Variants in PDE10A observed in about 807,000 individuals in gnomAD.
PDE10A encodes the protein phosphodiesterase 10A.
PDE10A carries 39 observed loss-of-function variants against 97.7 expected under a neutral mutation model. That is an observed-to-expected ratio of 0.40 (90% CI 0.31 to 0.52). PDE10A has a LOEUF of 0.52. Ranked by LOEUF, PDE10A falls within the 20% of genes least tolerant of loss-of-function variation. PDE10A has a pLI of 0.56. For missense variants in PDE10A, 731 were observed against 1,047.8 expected, an observed-to-expected ratio of 0.70 and a Z score of 4.17; for synonymous variants, 371 against 376.8, an observed-to-expected ratio of 0.98 and a Z score of 0.18.
At chr6:165,942,576 C>A (rs546572344) in intron 1 of PDE10A, among the ~76,000 whole-genome samples, 1 of 152,114 alleles carries the variant, frequency 6.6e-6, no homozygotes, top group African/African-American at 2.4e-5. Flanking sequence ...GCTCTGCCCC[C>A]GCTCTGCCCC....
At position 165,614,450 on chromosome 6, in the gene PDE10A, C is replaced by T. The variant is rs558717233; in HGVS notation, c.865+47497G>A. Among the ~76,000 whole-genome samples the T allele has an allele frequency of 2.6e-5, 4 of 152,282 alleles. No homozygotes were observed. The East Asian group carries it at 5.8e-4, about 22-fold the overall frequency. On this transcript the variant is annotated intron_variant, in intron 1 of 21. Coordinates refer to ENST00000539869, the MANE Select transcript of PDE10A (RefSeq NM_001385079.1). ...TGTCCAGCTCCAGCAACACATCATG[C>T]GTGCTTCTCACGTCTGTCCTCACAC...
At chr6:165,715,387 G>A (rs1210768917) in intron 1 of PDE10A, among the ~76,000 whole-genome samples, 1 of 152,240 alleles carries the variant, frequency 6.6e-6, no homozygotes, top group Non-Finnish European at 1.5e-5. Context: ...AGTGGTGTGT[G>A]CGTCAGCTGA....
chr6:165,595,408 G>A (rs150986146), intron 1 of PDE10A, among the ~76,000 whole-genome samples: 1 of 152,228 alleles, frequency 6.6e-6, no homozygotes. Flanking sequence ...AGACAGGCCT[G>A]TAGAACAATC....
intron 2 of PDE10A, among the ~76,000 whole-genome samples, chr6:165,489,347 A>T (rs1780095387): frequency 6.6e-6 from 1 of 152,142 alleles, no homozygotes; most frequent in Non-Finnish European, 1.5e-5. Context: ...GAAGATAAAT[A>T]ATAATTGTTG....
chr6:165,724,552 C>T lies in PDE10A; in HGVS notation c.-614-180984G>A, dbSNP rs533751230. 4.1e-4 allele frequency among the ~76,000 whole-genome samples: 62 copies of T among 152,144 alleles called. 1 individual carries two copies. Among genetic ancestry groups the T allele is most frequent in the Non-Finnish European group, 3.4e-4 (23 of 68,030 alleles). On this transcript the variant is annotated intron_variant, in intron 1 of 19. Coordinates refer to the PDE10A transcript ENST00000366882. ...TCCCTTTTGATATCCTCGTGGGCTT[C>T]GTCCTGTCACTTAGACTTTGAATAT...
intron 1 of PDE10A, among the ~76,000 whole-genome samples, chr6:165,852,681 G>A (rs1455180289): frequency 6.6e-6 from 1 of 152,216 alleles, no homozygotes; most frequent in Admixed American, 6.5e-5. Flanking sequence ...GAGGGATGGT[G>A]AGACGGCCTT....
At chr6:165,688,079 T>C (rs1791171123) in intron 1 of PDE10A, among the ~76,000 whole-genome samples, 1 of 152,176 alleles carries the variant, frequency 6.6e-6, no homozygotes, top group South Asian at 2.1e-4. Context: ...ACCTGAGACA[T>C]GGAAAACATG....
At chr6:165,883,254 A>G (rs2128480781) in intron 1 of PDE10A, among the ~76,000 whole-genome samples, 2 of 151,314 alleles carry the variant, frequency 1.3e-5, no homozygotes, top group Middle Eastern at 7.0e-3. Flanking sequence ...AAAGAAGAAG[A>G]AGGATTTGCC....
intron 18 of PDE10A, 80 bp downstream of exon 18, chr6:165,379,114 C>T (rs575190343): frequency 4.0e-5 from 37 of 932,184 alleles, no homozygotes; most frequent in Admixed American, 9.8e-5. Flanking sequence ...TATAAGCTTA[C>T]GCCACATTAC....
At chr6:165,875,707 T>C (rs1209650239) in intron 1 of PDE10A, among the ~76,000 whole-genome samples, 1 of 149,960 alleles carries the variant, frequency 6.7e-6, no homozygotes, top group Non-Finnish European at 1.5e-5. Context: ...TTTGGGTTTC[T>C]GATAGGACTT....
At chr6:165,816,181 C>A (rs1874195) in intron 1 of PDE10A, among the ~76,000 whole-genome samples, 1 of 152,014 alleles carries the variant, frequency 6.6e-6, no homozygotes, top group Admixed American at 6.5e-5. Context: ...AATCTCCTGA[C>A]CTCGTGATCT....
At chr6:165,691,167 T>C (rs12209513) in intron 1 of PDE10A, among the ~76,000 whole-genome samples, 77,076 of 95,642 alleles carry the variant, frequency 0.81, 30,686 homozygotes, top group Non-Finnish European at 0.87. Flanking sequence ...TATTCTCTCT[T>C]TCTTTCTCTC....
intron 1 of PDE10A, among the ~76,000 whole-genome samples, chr6:165,784,554 A>T (rs73261246): frequency 0.13 from 20,072 of 152,244 alleles, 2,463 homozygotes; most frequent in African/African-American, 0.32. Context: ...AAGTAATGCC[A>T]AATTGCTTAT....
intron 2 of PDE10A, among the ~76,000 whole-genome samples, chr6:165,516,612 C>T (rs995782645): frequency 6.6e-5 from 10 of 152,226 alleles, no homozygotes; most frequent in African/African-American, 2.4e-4. Context: ...TATAAGCAGC[C>T]TTCATATTTC....
At chr6:165,491,703 G>A (rs921071530) in intron 2 of PDE10A, among the ~76,000 whole-genome samples, 2 of 152,082 alleles carry the variant, frequency 1.3e-5, no homozygotes, top group African/African-American at 4.8e-5. Context: ...CTAGGATACA[G>A]CAAAAGTGGT....
chr6:165,590,769 T>C (rs906751894), intron 1 of PDE10A, among the ~76,000 whole-genome samples: 1 of 152,100 alleles, frequency 6.6e-6, no homozygotes, highest in African/African-American at 2.4e-5. Context: ...CGGGCGCCTG[T>C]AGTCCCAGCT....
rs767046501 is a variant in PDE10A, at chr6:165,416,246, G to C, written c.1832C>G (p.Ala611Gly). ...AATGTTCAGGACTTCCCCTGTTCTT[G>C]CTACTTGGCCAGCAATTCCTTTCTC... ...SIEKGIAGQV[A>G]RTGEVLNIPD... Residue 611 changes from alanine (A) to glycine (G), a missense_variant, in exon 12 of 22, where the codon GCA (alanine) becomes GGA (glycine). Transcript: ENST00000539869. The C allele has an allele frequency of 6.2e-7, 1 of 1,613,316 alleles. No individual in the cohort carries two copies. Among genetic ancestry groups the C allele is most frequent in the Non-Finnish European group, 8.5e-7 (1 of 1,179,412 alleles).
intron 1 of PDE10A, among the ~76,000 whole-genome samples, chr6:165,584,806 A>G (rs1309480564): frequency 3.9e-5 from 6 of 152,178 alleles, no homozygotes; most frequent in Non-Finnish European, 8.8e-5. Context: ...CAGGCCCCTC[A>G]GGAATGAGGG....
chr6:165,423,578 C>T (rs1277926133), intron 10 of PDE10A, among the ~76,000 whole-genome samples: 1 of 152,044 alleles, frequency 6.6e-6, no homozygotes, highest in Non-Finnish European at 1.5e-5. Context: ...TAAGAATTAC[C>T]CAGATTAGGC....
Sources: gnomAD v4.1 joint callset for allele counts (sites outside exome capture counted in the v4.1 genomes callset) on GRCh38, gnomAD v4.1.1 for gene constraint, MANE v1.5 for transcripts, NCBI Gene and HGNC (gene_info 2026-07-23, HGNC 2026-07-21) for gene names.